Variants in EXOC6B observed in about 807,000 individuals in gnomAD.
The protein encoded by EXOC6B is exocyst complex component 6B.
A neutral mutation model predicts 113.5 loss-of-function variants in EXOC6B; 54 were observed. The observed-to-expected ratio is 0.48, with a 90% CI of 0.38 to 0.60. The LOEUF (loss-of-function observed/expected upper bound fraction) is 0.60, where lower values mean the gene tolerates loss of function less well. EXOC6B is among the 20% of genes least tolerant of loss of function. The pLI is 0.00. For missense variants in EXOC6B, 797 were observed against 977.5 expected (o/e 0.82, Z 2.46); for synonymous variants, 357 against 339.0 (o/e 1.05, Z -0.58).
intron 19 of EXOC6B, among the ~76,000 whole-genome samples, chr2:72,375,085 C>A (rs1430797655): frequency 6.6e-6 from 1 of 151,676 alleles, no homozygotes; most frequent in East Asian, 1.9e-4. Flanking sequence ...TAAAGAGGGT[C>A]ATTTCATCAT....
chr2:72,484,581 A>G (rs1227057248), intron 16 of EXOC6B, among the ~76,000 whole-genome samples: 13 of 151,318 alleles, frequency 8.6e-5, no homozygotes, highest in Non-Finnish European at 1.6e-4. Context: ...AAAAAAAAAA[A>G]AAAAAAATTC....
intron 20 of EXOC6B, among the ~76,000 whole-genome samples, chr2:72,215,360 C>T (rs1680455711): frequency 6.6e-6 from 1 of 152,138 alleles, no homozygotes; most frequent in Admixed American, 6.5e-5. Flanking sequence ...AACCAAAAGG[C>T]CAAAGCAGAT....
At chr2:72,396,723 C>T (rs1692751240) in intron 18 of EXOC6B, among the ~76,000 whole-genome samples, 1 of 151,998 alleles carries the variant, frequency 6.6e-6, no homozygotes, top group Admixed American at 6.6e-5. Flanking sequence ...TTCCTAGTGA[C>T]TCCATCACCT....
chr2:72,219,692 C>T (rs1047573107), intron 20 of EXOC6B, among the ~76,000 whole-genome samples: 1 of 152,124 alleles, frequency 6.6e-6, no homozygotes, highest in South Asian at 2.1e-4. Context: ...TCTGCTCTGG[C>T]CTCAAACAAG....
At position 72,687,345 on chromosome 2, in the gene EXOC6B, G is replaced by T. The variant is rs374259035; in HGVS notation, c.669+30758C>A. ...GTTCAATACTGTTGGCTGCACAGCC[G>T]TATTTTATTTTTATGTTTTCTTTGG... On this transcript the variant is annotated intron_variant, in intron 6 of 21. Transcript: ENST00000272427. Among the ~76,000 whole-genome samples the T allele has an allele frequency of 1.5e-4, 23 of 152,212 alleles. 2 individuals carry two copies. The highest frequency in any genetic ancestry group is 4.6e-4 in the African/African-American group (19 of 41,540).
At chr2:72,297,001 T>C (rs1686180064) in intron 20 of EXOC6B, among the ~76,000 whole-genome samples, 14 of 152,212 alleles carry the variant, frequency 9.2e-5, no homozygotes, top group Admixed American at 8.5e-4. Flanking sequence ...GTAAGTAATA[T>C]GTGAACATAT....
intron 20 of EXOC6B, among the ~76,000 whole-genome samples, chr2:72,289,559 AT>A (rs1047343247): frequency 8.6e-5 from 13 of 151,942 alleles, no homozygotes; most frequent in Admixed American, 8.5e-4. Context: ...GTGTGTGTGT[AT>A]TTTTTAACTA....
chr2:72,492,178 G>T (rs569024878), intron 16 of EXOC6B, 140 bp downstream of exon 16: 16 of 436,556 alleles, frequency 3.7e-5, no homozygotes, highest in African/African-American at 3.0e-4. Context: ...AAGAACAAGA[G>T]ATTTCATTTT....
intron 20 of EXOC6B, among the ~76,000 whole-genome samples, chr2:72,191,137 ATGTG>A (rs757031058): frequency 1.2e-4 from 18 of 152,214 alleles, no homozygotes; most frequent in Non-Finnish European, 1.9e-4. Flanking sequence ...TTATACAAAA[ATGTG>A]TGTAAGTGGA....
At chr2:72,812,653 G>A (rs1164951016) in intron 1 of EXOC6B, among the ~76,000 whole-genome samples, 1 of 152,050 alleles carries the variant, frequency 6.6e-6, no homozygotes. Context: ...TTGCACCACT[G>A]CACTCCAGCC....
At chr2:72,823,882 G>A (rs1686744849) in intron 1 of EXOC6B, among the ~76,000 whole-genome samples, 1 of 152,104 alleles carries the variant, frequency 6.6e-6, no homozygotes, top group Non-Finnish European at 1.5e-5. Context: ...TATTTACATG[G>A]TATTTACATT....
At chr2:72,640,532 A>G (rs1257822258) in intron 6 of EXOC6B, among the ~76,000 whole-genome samples, 1 of 152,180 alleles carries the variant, frequency 6.6e-6, no homozygotes, top group Admixed American at 6.5e-5. Context: ...AAGACACTTC[A>G]CAAGAAGATC....
intron 8 of EXOC6B, among the ~76,000 whole-genome samples, chr2:72,546,224 G>A (rs543517427): frequency 2.0e-5 from 3 of 152,236 alleles, no homozygotes; most frequent in South Asian, 2.1e-4. Context: ...CGAGGTGGGC[G>A]GATCACCTGA....
chr2:72,489,188 T>C (rs1057048830), intron 16 of EXOC6B, among the ~76,000 whole-genome samples: 1 of 152,212 alleles, frequency 6.6e-6, no homozygotes, highest in Non-Finnish European at 1.5e-5. Context: ...CTTCTCTCCA[T>C]AGCATTCACT....
At chr2:72,331,068 G>A (rs1688393109) in intron 20 of EXOC6B, among the ~76,000 whole-genome samples, 1 of 152,014 alleles carries the variant, frequency 6.6e-6, no homozygotes, top group African/African-American at 2.4e-5. Flanking sequence ...AGTAGTTCTT[G>A]TTTTAAGCCA....
chr2:72,341,472 T>C (rs1246269277), intron 19 of EXOC6B, among the ~76,000 whole-genome samples: 1 of 152,142 alleles, frequency 6.6e-6, no homozygotes, highest in Non-Finnish European at 1.5e-5. Flanking sequence ...TATTGTCTTA[T>C]ATCAGACAAA....
chr2:72,255,436 A>G (rs190994567), intron 20 of EXOC6B, among the ~76,000 whole-genome samples: 1 of 152,376 alleles, frequency 6.6e-6, no homozygotes, highest in Non-Finnish European at 1.5e-5. Flanking sequence ...GTGCAGAAGT[A>G]GACACTGATG....
chr2:72,309,586 T>A (rs555096886), intron 20 of EXOC6B, among the ~76,000 whole-genome samples: 40 of 152,304 alleles, frequency 2.6e-4, no homozygotes, highest in African/African-American at 8.7e-4. Context: ...ATTCTTTCAC[T>A]CACTGATGCT....
chr2:72,399,705 A>T (rs932948985), intron 18 of EXOC6B, among the ~76,000 whole-genome samples: 2 of 152,198 alleles, frequency 1.3e-5, no homozygotes, highest in Non-Finnish European at 2.9e-5. Flanking sequence ...CTACAAAATT[A>T]TAAAATACCC....
Sources: gnomAD v4.1 joint callset for allele counts (sites outside exome capture counted in the v4.1 genomes callset) on GRCh38, gnomAD v4.1.1 for gene constraint, MANE v1.5 for transcripts, NCBI Gene and HGNC (gene_info 2026-07-23, HGNC 2026-07-21) for gene names.